The following CPNE4 variants were observed in gnomAD, a reference collection of about 807,000 sequenced individuals.
CPNE4 encodes copine-4.
In CPNE4, 25 loss-of-function variants were observed where a neutral mutation model predicts 67.9. The ratio of observed to expected loss-of-function variants is 0.37; its 90% CI spans 0.27 to 0.51. The LOEUF (loss-of-function observed/expected upper bound fraction) is 0.51. Ranked by LOEUF, CPNE4 falls within the 20% of genes least tolerant of loss-of-function variation. The pLI, the probability that CPNE4 is intolerant of heterozygous loss-of-function variation, is 0.93. For missense variants in CPNE4, 464 were observed against 690.8 expected (o/e 0.67, Z 3.68); for synonymous variants, 242 against 244.9 (o/e 0.99, Z 0.11).
chr3:132,034,320 A>G (rs566782315), intron 1 of CPNE4, among the ~76,000 whole-genome samples: 24 of 151,888 alleles, frequency 1.6e-4, no homozygotes, highest in African/African-American at 5.8e-4. Flanking sequence ...CCCCAACTCC[A>G]TTCGCCCCAC....
intron 2 of CPNE4, among the ~76,000 whole-genome samples, chr3:131,777,550 C>T (rs1046756296): frequency 2.0e-5 from 3 of 151,998 alleles, no homozygotes; most frequent in Non-Finnish European, 4.4e-5. Flanking sequence ...CTCAGAGGAT[C>T]CCAGGAGAAG....
intron 9 of CPNE4, among the ~76,000 whole-genome samples, chr3:131,578,052 T>C (rs1049293654): frequency 3.3e-5 from 5 of 152,084 alleles, no homozygotes; most frequent in African/African-American, 1.2e-4. Flanking sequence ...CACACACACA[T>C]ATATGTATAG....
At chr3:131,919,273 A>G (rs551105228) in intron 1 of CPNE4, among the ~76,000 whole-genome samples, 8 of 152,312 alleles carry the variant, frequency 5.3e-5, no homozygotes, top group African/African-American at 1.9e-4. Flanking sequence ...CCAATCCTGA[A>G]TGAGTAAATT....
chr3:131,895,473 A>G (rs2088290182), intron 2 of CPNE4, among the ~76,000 whole-genome samples: 1 of 152,078 alleles, frequency 6.6e-6, no homozygotes, highest in Non-Finnish European at 1.5e-5. Flanking sequence ...ATACAGTTAC[A>G]ATGTGTCAAT....
chr3:131,555,564 T>G lies in CPNE4; in HGVS notation c.1062-13A>C, dbSNP rs990201782. ...GAACATTTTGTCACTGAAACCAAAA[T>G]GAAGAAAAGAAAAAACAAGAAGTTG... On this transcript the variant is annotated splice_polypyrimidine_tract_variant and intron_variant, in intron 11 of 15. Transcript: ENST00000429747. 4 of 1,611,094 alleles carry G rather than the reference T, an allele frequency of 2.5e-6. No individual in the cohort carries two copies. In the South Asian group the frequency reaches 3.3e-5, roughly 13 times the overall value.
At chr3:131,764,017 T>C (rs1406910485) in intron 2 of CPNE4, among the ~76,000 whole-genome samples, 3 of 152,188 alleles carry the variant, frequency 2.0e-5, no homozygotes, top group East Asian at 3.9e-4. Flanking sequence ...GGCAATACTT[T>C]TATGATTCCT....
chr3:131,859,811 G>A (rs1583343738), intron 2 of CPNE4, among the ~76,000 whole-genome samples: 2 of 152,222 alleles, frequency 1.3e-5, no homozygotes, highest in Admixed American at 1.3e-4. Flanking sequence ...CTTTATGCTA[G>A]AAAGAATCTC....
chr3:131,701,780 C>A (rs1003372889), intron 3 of CPNE4, among the ~76,000 whole-genome samples: 4 of 152,054 alleles, frequency 2.6e-5, no homozygotes, highest in Non-Finnish European at 5.9e-5. Flanking sequence ...AACACAGAGA[C>A]AAAAATATAT....
At chr3:132,032,673 A>G (rs535220473) in intron 1 of CPNE4, among the ~76,000 whole-genome samples, 1 of 152,328 alleles carries the variant, frequency 6.6e-6, no homozygotes, top group South Asian at 2.1e-4. Context: ...ACTTTTGACT[A>G]ACTCTGAGTC....
chr3:131,788,670 TGATA>T (rs2083629228), intron 2 of CPNE4, among the ~76,000 whole-genome samples: 1 of 152,106 alleles, frequency 6.6e-6, no homozygotes, highest in Non-Finnish European at 1.5e-5. Flanking sequence ...ATATAAACAG[TGATA>T]AATATCCAAT....
At chr3:131,594,381 C>G (rs1013194560) in intron 7 of CPNE4, among the ~76,000 whole-genome samples, 14 of 152,164 alleles carry the variant, frequency 9.2e-5, no homozygotes, top group African/African-American at 3.4e-4. Context: ...AATAGAGAGG[C>G]CAAAACCAAA....
chr3:131,869,784 T>G (rs1189929950), intron 2 of CPNE4, among the ~76,000 whole-genome samples: 1 of 152,202 alleles, frequency 6.6e-6, no homozygotes, highest in African/African-American at 2.4e-5. Context: ...CCTGCTTTTA[T>G]TAATCATTCA....
Position 132,034,751 on chromosome 3 carries a change from G to C in CPNE4, c.-186C>G. 1 of 985,350 alleles carries C rather than the reference G, an allele frequency of 1.0e-6. No individual in the cohort carries two copies. The highest frequency in any genetic ancestry group is 1.2e-6 in the Non-Finnish European group (1 of 830,002). 61.0% of individuals were successfully genotyped at this position (985,350 alleles called of 1,614,324 possible). On this transcript the variant is annotated 5_prime_UTR_variant, in exon 1 of 16. Transcript: ENST00000429747. ...GAGGTCAGTTTAGCAACAGCGGCTG[G>C]GAAAGGTGCTGAGAGCAGAGTTCGG...
At chr3:131,933,668 A>AAG (rs2071134922) in intron 1 of CPNE4, among the ~76,000 whole-genome samples, 1 of 152,154 alleles carries the variant, frequency 6.6e-6, no homozygotes. Flanking sequence ...AAGGAAATGT[A>AAG]ATATATATAC....
intron 1 of CPNE4, among the ~76,000 whole-genome samples, chr3:131,913,632 T>C (rs985768176): frequency 2.0e-5 from 3 of 152,220 alleles, no homozygotes; most frequent in African/African-American, 7.2e-5. Flanking sequence ...TTTCCTTTTG[T>C]TCCTGCTCTA....
At chr3:131,965,879 T>C (rs2072328585) in intron 1 of CPNE4, among the ~76,000 whole-genome samples, 2 of 152,186 alleles carry the variant, frequency 1.3e-5, no homozygotes, top group Non-Finnish European at 2.9e-5. Flanking sequence ...GCAGACCTAA[T>C]AGACATCTAC....
intron 7 of CPNE4, among the ~76,000 whole-genome samples, chr3:131,652,597 T>TA (rs944937120): frequency 6.6e-6 from 1 of 152,054 alleles, no homozygotes; most frequent in Non-Finnish European, 1.5e-5. Flanking sequence ...AAAGCCAATT[T>TA]AAAAAAAATA....
chr3:131,541,030 G>A (rs1423084167), intron 15 of CPNE4, among the ~76,000 whole-genome samples: 1 of 152,174 alleles, frequency 6.6e-6, no homozygotes, highest in Non-Finnish European at 1.5e-5. Context: ...ACCAGCCCTG[G>A]GGATGGTATT....
At chr3:131,931,034 G>A (rs2071045154) in intron 1 of CPNE4, among the ~76,000 whole-genome samples, 1 of 151,988 alleles carries the variant, frequency 6.6e-6, no homozygotes, top group African/African-American at 2.4e-5. Flanking sequence ...TAATGCATAG[G>A]TCAATACTTC....
Sources: gnomAD v4.1 joint callset for allele counts (sites outside exome capture counted in the v4.1 genomes callset) on GRCh38, gnomAD v4.1.1 for gene constraint, MANE v1.5 for transcripts, NCBI Gene and HGNC (gene_info 2026-07-23, HGNC 2026-07-21) for gene names.